Variants in RSRC2 observed in about 807,000 individuals in gnomAD.
RSRC2 encodes arginine/serine-rich coiled-coil protein 2.
A neutral mutation model predicts 61.3 loss-of-function variants in RSRC2; 5 were observed. The ratio of observed to expected loss-of-function variants is 0.08; its 90% CI spans 0.04 to 0.17. The LOEUF (loss-of-function observed/expected upper bound fraction) is 0.17. RSRC2 is among the 10% of genes least tolerant of loss of function. The pLI is 1.00. For missense variants in RSRC2, 381 were observed against 518.8 expected, an observed-to-expected ratio of 0.73 and a Z score of 2.58; for synonymous variants, 202 against 166.5, an observed-to-expected ratio of 1.21 and a Z score of -1.64.
At chr12:122,509,469 AAAAC>A (rs987714558) in intron 7 of RSRC2, among the ~76,000 whole-genome samples, 4 of 151,858 alleles carry the variant, frequency 2.6e-5, no homozygotes, top group African/African-American at 7.3e-5. Context: ...AACAAAAACA[AAAAC>A]AAAAAAAAAC....
At chr12:122,515,322 TACAAAA>T in intron 5 of RSRC2, 95 bp from the exon 6 acceptor site, 1 of 1,218,900 alleles carries the variant, frequency 8.2e-7, no homozygotes, top group Non-Finnish European at 1.2e-6. Context: ...ATCCCAACGA[TACAAAA>T]ACATTTAGTT....
chr12:122,520,564 T>A, intron 3 of RSRC2: 1 of 1,367,458 alleles, frequency 7.3e-7, no homozygotes, highest in Non-Finnish European at 9.8e-7. Context: ...CAGTTCAGTC[T>A]CTTCGCGCAT....
intron 9 of RSRC2, chr12:122,506,227 A>G (rs1373427625): frequency 1.3e-5 from 2 of 152,462 alleles, no homozygotes; most frequent in Non-Finnish European, 2.9e-5. Context: ...CTATACTAAA[A>G]ACAAAAAACA....
intron 4 of RSRC2, 141 bp from the exon 5 acceptor site, chr12:122,517,571 T>C (rs1959034656): frequency 1.9e-6 from 2 of 1,031,344 alleles, no homozygotes; most frequent in Non-Finnish European, 2.8e-6. Context: ...TAAGCGAGAT[T>C]TTCAAAGGAA....
chr12:122,516,511 T>C (rs980723441), intron 5 of RSRC2, among the ~76,000 whole-genome samples: 1 of 152,236 alleles, frequency 6.6e-6, no homozygotes, highest in African/African-American at 2.4e-5. Context: ...TTTGGAATTC[T>C]GGGGCAAATT....
chr12:122,514,772 A>G, intron 6 of RSRC2: 1 of 1,069,868 alleles, frequency 9.3e-7, no homozygotes, highest in Non-Finnish European at 1.2e-6. Context: ...AAGTCATCTT[A>G]GATGAGAAAA....
intron 1 of RSRC2, 27 bp from the exon 2 acceptor site, chr12:122,522,326 A>G: frequency 6.4e-7 from 1 of 1,561,268 alleles, no homozygotes; most frequent in Non-Finnish European, 8.6e-7. Context: ...AAATGATTAA[A>G]GTTCTTAATT....
chr12:122,514,252 G>T (rs1409567121), intron 6 of RSRC2, among the ~76,000 whole-genome samples: 11 of 143,098 alleles, frequency 7.7e-5, no homozygotes, highest in Admixed American at 2.8e-4. Flanking sequence ...ATTTATTTTT[G>T]TGTGTGTGTG....
intron 1 of RSRC2, among the ~76,000 whole-genome samples, chr12:122,524,303 G>A (rs780923219): frequency 2.0e-5 from 3 of 151,194 alleles, no homozygotes; most frequent in Non-Finnish European, 4.4e-5. Context: ...TTTATTACTT[G>A]CTGAGTGTTT....
chr12:122,520,017 T>C (rs1359303077), intron 3 of RSRC2: 1 of 153,516 alleles, frequency 6.5e-6, no homozygotes, highest in Non-Finnish European at 1.4e-5. Flanking sequence ...AGATCTAAAG[T>C]TACAAAGCTA....
chr12:122,514,266 G>C (rs1220346980), intron 6 of RSRC2, among the ~76,000 whole-genome samples: 2 of 137,290 alleles, frequency 1.5e-5, no homozygotes, highest in Non-Finnish European at 3.1e-5. Context: ...GTGTGTGTGT[G>C]TGTGTTTTTT....
intron 9 of RSRC2, among the ~76,000 whole-genome samples, chr12:122,506,181 T>A (rs1958104999): frequency 6.6e-6 from 1 of 152,008 alleles, no homozygotes; most frequent in Non-Finnish European, 1.5e-5. Context: ...AGGTCAGGAT[T>A]TCGAGACTAG....
chr12:122,518,771 T>G, intron 4 of RSRC2, 68 bp downstream of exon 4: 13 of 1,273,386 alleles, frequency 1.0e-5, no homozygotes, highest in Non-Finnish European at 1.5e-5. Context: ...TTTTGGGTGT[T>G]GCTGGGTCAA....
At chr12:122,509,392 G>A (rs1014870823) in intron 7 of RSRC2, among the ~76,000 whole-genome samples, 2 of 151,708 alleles carry the variant, frequency 1.3e-5, no homozygotes, top group African/African-American at 4.8e-5. Context: ...GGAGGTTGTT[G>A]TGAGTCAGGA....
intron 4 of RSRC2, 51 bp from the exon 5 acceptor site, chr12:122,517,481 A>G (rs762419174): frequency 5.0e-6 from 8 of 1,606,860 alleles, no homozygotes; most frequent in African/African-American, 4.0e-5. Context: ...GTGTTGTTTC[A>G]TTTATACACA....
chr12:122,522,760 T>C (rs1959416929), intron 1 of RSRC2: 1 of 152,474 alleles, frequency 6.6e-6, no homozygotes, highest in Non-Finnish European at 1.5e-5. Flanking sequence ...AACAATGCCC[T>C]AAGAATATTA....
At chr12:122,505,730 A>C (rs1490888296) in intron 9 of RSRC2, 24 bp from the exon 10 acceptor site, 1 of 1,587,992 alleles carries the variant, frequency 6.3e-7, no homozygotes, top group Non-Finnish European at 8.6e-7. Flanking sequence ...ATAAAACATT[A>C]CAATGAATTC....
intron 5 of RSRC2, 73 bp downstream of exon 5, chr12:122,517,154 C>T: frequency 6.3e-7 from 1 of 1,596,358 alleles, no homozygotes; most frequent in African/African-American, 1.3e-5. Context: ...AATTTTAATA[C>T]TCTCTTACTG....
Position 122,517,216 on chromosome 12 carries a change from T to G in RSRC2, c.602+11A>C. 6.2e-7 allele frequency: 1 copy of G among 1,614,102 alleles called. No individual in the cohort carries two copies. The highest frequency in any genetic ancestry group is 8.5e-7 in the Non-Finnish European group (1 of 1,179,944). Reference sequence around the variant, plus strand: ...TCCTATTAAATTTTATTCAGGATGATGGTCACCTACCGACTCCTACTCCTT... The same window carrying G: ...TCCTATTAAATTTTATTCAGGATGAGGGTCACCTACCGACTCCTACTCCTT... On this transcript the variant is annotated intron_variant, in intron 5 of 9. Transcript: ENST00000331738.
Sources: gnomAD v4.1 joint callset for allele counts (sites outside exome capture counted in the v4.1 genomes callset) on GRCh38, gnomAD v4.1.1 for gene constraint, MANE v1.5 for transcripts, NCBI Gene and HGNC (gene_info 2026-07-23, HGNC 2026-07-21) for gene names.